PCBD2: variants seen among roughly 807,000 people sequenced by gnomAD.
The protein encoded by PCBD2 is pterin-4 alpha-carbinolamine dehydratase 2, also known as pterin-4-alpha-carbinolamine dehydratase 2.
Under a neutral mutation model 16.4 loss-of-function variants are expected in PCBD2, and 12 were observed. The observed-to-expected ratio is 0.73, with a 90% CI of 0.47 to 1.19. The LOEUF (loss-of-function observed/expected upper bound fraction) is 1.19, where lower values mean the gene tolerates loss of function less well. PCBD2 is among the 50% of genes most tolerant of loss of function. The pLI is 0.00. For missense variants in PCBD2, 138 were observed against 156.8 expected (o/e 0.88, Z 0.64); for synonymous variants, 58 against 61.8 (o/e 0.94, Z 0.29).
In PCBD2 at chr5:134,910,269, G is replaced by A. The variant is rs1750751584; in HGVS notation, c.85-66G>A. ...TTTTCTACATCTCTGCTTAAGGTAA[G>A]GAGCCATAAGTTTGAGTTTGAGTAA... On this transcript the variant is annotated intron_variant, in intron 1 of 3. Coordinates refer to ENST00000254908, the MANE Select transcript of PCBD2 (RefSeq NM_032151.5). The A allele has an allele frequency of 9.2e-6, 14 of 1,519,816 alleles. No individual in the cohort carries two copies. In the Middle Eastern group the frequency reaches 6.9e-4, roughly 75 times the overall value. The allele number at this position is 1,519,816 out of a possible 1,614,324, so 94.1% of individuals were successfully genotyped here. A position where few individuals can be genotyped will look rare whatever the true frequency, so the allele number is the denominator to read the frequency against.
chr5:134,935,492 A>G (rs1316548383), intron 2 of PCBD2, among the ~76,000 whole-genome samples: 2 of 152,224 alleles, frequency 1.3e-5, no homozygotes, highest in Non-Finnish European at 2.9e-5. Context: ...TTGTTCACCA[A>G]CTTTCCAGCA....
At chr5:134,960,459 C>T (rs1019034317) in intron 3 of PCBD2, 127 bp from the exon 4 acceptor site, 2 of 681,528 alleles carry the variant, frequency 2.9e-6, no homozygotes, top group Non-Finnish European at 4.9e-6. Context: ...GTAGTATTTT[C>T]TAAATCATTT....
intron 2 of PCBD2, chr5:134,923,190 G>A (rs1029189422): frequency 1.3e-5 from 2 of 152,512 alleles, no homozygotes; most frequent in African/African-American, 4.8e-5. Flanking sequence ...TTGGATTCCA[G>A]GCAATCCATA....
chr5:134,937,357 A>G (rs1202419417), intron 2 of PCBD2, among the ~76,000 whole-genome samples: 1 of 152,176 alleles, frequency 6.6e-6, no homozygotes, highest in Non-Finnish European at 1.5e-5. Flanking sequence ...CTTTTCCCTT[A>G]CTAAAAAAGA....
At chr5:134,905,418 G>C (rs1331309842) in intron 1 of PCBD2, 195 bp downstream of exon 1, 1 of 405,308 alleles carries the variant, frequency 2.5e-6, no homozygotes, top group African/African-American at 2.1e-5. Context: ...GGTGGCCGCA[G>C]CCTCCGCCAC....
chr5:134,907,919 G>A (rs1455257918), intron 1 of PCBD2, among the ~76,000 whole-genome samples: 1 of 142,478 alleles, frequency 7.0e-6, no homozygotes, highest in Non-Finnish European at 1.5e-5. Flanking sequence ...ACCACGCCCG[G>A]ACTTTTTTTT....
intron 2 of PCBD2, among the ~76,000 whole-genome samples, chr5:134,953,213 C>T (rs1751378031): frequency 6.6e-6 from 1 of 151,468 alleles, no homozygotes; most frequent in African/African-American, 2.4e-5. Context: ...TTTTTTCTTC[C>T]TTATTTTAAA....
intron 2 of PCBD2, among the ~76,000 whole-genome samples, chr5:134,935,769 C>T (rs1440012479): frequency 6.6e-6 from 1 of 152,182 alleles, no homozygotes; most frequent in African/African-American, 2.4e-5. Context: ...AGTCTGTTTC[C>T]TCATTAATAG....
At chr5:134,923,601 A>G (rs1750935463) in intron 2 of PCBD2, 2 of 350,894 alleles carry the variant, frequency 5.7e-6, no homozygotes, top group Non-Finnish European at 1.0e-5. Context: ...GACGGCGGAT[A>G]GCAGGTTTGT....
intron 2 of PCBD2, chr5:134,925,245 G>A (rs1025061143): frequency 6.8e-5 from 27 of 398,430 alleles, no homozygotes; most frequent in Middle Eastern, 6.2e-4. Context: ...GGGCTCAGGC[G>A]TTTGTGTATG....
At chr5:134,909,240 A>G (rs1241194206) in intron 1 of PCBD2, among the ~76,000 whole-genome samples, 3 of 152,242 alleles carry the variant, frequency 2.0e-5, no homozygotes, top group Non-Finnish European at 4.4e-5. Flanking sequence ...CTCTGGCCAA[A>G]CTATGGAGAG....
intron 2 of PCBD2, among the ~76,000 whole-genome samples, 157 bp from the exon 3 acceptor site, chr5:134,958,883 C>T (rs1160769716): frequency 6.6e-6 from 1 of 152,180 alleles, no homozygotes; most frequent in Non-Finnish European, 1.5e-5. Context: ...CACTGTGACC[C>T]CAGAGGCCTG....
chr5:134,956,977 T>A (rs948999530), intron 2 of PCBD2, among the ~76,000 whole-genome samples: 1 of 152,144 alleles, frequency 6.6e-6, no homozygotes, highest in Non-Finnish European at 1.5e-5. Flanking sequence ...ATAAGAAAAC[T>A]GAGAGGGCCA....
intron 2 of PCBD2, among the ~76,000 whole-genome samples, chr5:134,921,446 G>A (rs954042044): frequency 6.6e-6 from 1 of 152,150 alleles, no homozygotes; most frequent in South Asian, 2.1e-4. Flanking sequence ...GGAGGGGTTA[G>A]CAGGTGACAT....
intron 1 of PCBD2, 88 bp from the exon 2 acceptor site, chr5:134,910,247 T>G (rs1750751185): frequency 5.7e-6 from 8 of 1,414,788 alleles, no homozygotes; most frequent in Non-Finnish European, 5.8e-6. Flanking sequence ...TTCAGACTTT[T>G]CTACATCTCT....
At chr5:134,947,023 A>G (rs190549015) in intron 2 of PCBD2, among the ~76,000 whole-genome samples, 56 of 152,322 alleles carry the variant, frequency 3.7e-4, no homozygotes, top group Admixed American at 8.5e-4. Context: ...TGTCTCCTGA[A>G]AGGAACCAGT....
rs1751477346 is a variant in PCBD2 at position 134,961,535 on chromosome 5, C to G, written c.*854C>G. Among the ~76,000 whole-genome samples the G allele has an allele frequency of 6.6e-6, 1 of 152,092 alleles. No individual in the cohort carries two copies. The highest frequency in any genetic ancestry group is 1.5e-5 in the Non-Finnish European group (1 of 68,014). On this transcript the variant is annotated 3_prime_UTR_variant, in exon 4 of 4. Transcript: ENST00000254908. ...TACTGACCTCGTGATCCACCTGCCT[C>G]CACCTCCGAAAGTGTTGGGATCACA...
chr5:134,938,199 C>G, intron 2 of PCBD2, among the ~76,000 whole-genome samples: 1 of 152,182 alleles, frequency 6.6e-6, no homozygotes, highest in African/African-American at 2.4e-5. Flanking sequence ...GCTGCCATGC[C>G]TACGATGTCG....
intron 2 of PCBD2, among the ~76,000 whole-genome samples, chr5:134,955,110 C>G (rs1055196925): frequency 6.6e-6 from 1 of 150,862 alleles, no homozygotes; most frequent in African/African-American, 2.4e-5. Flanking sequence ...TTTAATCTTC[C>G]GAGTTTAACT....
Sources: allele counts gnomAD v4.1 joint callset (sites outside exome capture counted in the v4.1 genomes callset), GRCh38; gene constraint gnomAD v4.1.1; transcripts MANE v1.5; gene names NCBI Gene and HGNC (gene_info 2026-07-23, HGNC 2026-07-21).